The following NCAM2 variants were observed in gnomAD, a reference collection of about 807,000 sequenced individuals.
The protein encoded by NCAM2 is N-CAM-2.
NCAM2 carries 30 observed loss-of-function variants against 98.1 expected under a neutral mutation model. The ratio of observed to expected loss-of-function variants is 0.31; its 90% CI spans 0.23 to 0.41. The LOEUF (loss-of-function observed/expected upper bound fraction) is 0.41. Ranked by LOEUF, NCAM2 falls within the 10% of genes least tolerant of loss-of-function variation. The pLI, the probability that NCAM2 is intolerant of heterozygous loss-of-function variation, is 1.00. For synonymous variants in NCAM2, 368 were observed against 342.4 expected (o/e 1.07, Z -0.83); for missense variants, 867 against 1,005.8 (o/e 0.86, Z 1.87).
chr21:21,136,494 T>C (rs8133053), intron 1 of NCAM2, among the ~76,000 whole-genome samples: 63,699 of 150,730 alleles, frequency 0.42, 14,028 homozygotes, highest in African/African-American at 0.55. Context: ...CGGAGTCTCA[T>C]TCTGTCACTC....
Position 21,047,449 on chromosome 21 carries a change from A to G in NCAM2, c.55+48831A>G, listed in dbSNP as rs568531593. Among the ~76,000 whole-genome samples the G allele has an allele frequency of 8.5e-5, 13 of 152,288 alleles. No homozygotes were observed. The South Asian group carries it at 2.3e-3, about 27-fold the overall frequency. ...AGGTTTTTTTGCTTGTTTATTTCAG[A>G]CAGACTAAAGGTACAGATATGTTGA... On this transcript the variant is annotated intron_variant, in intron 1 of 17. Transcript: ENST00000400546.
chr21:21,327,555 G>T (rs914184502), intron 6 of NCAM2, among the ~76,000 whole-genome samples: 1 of 152,078 alleles, frequency 6.6e-6, no homozygotes, highest in African/African-American at 2.4e-5. Flanking sequence ...GTAGATAATT[G>T]GTTGCCTGGG....
At chr21:21,287,574 CAATGTCTA>C (rs1204842421) in intron 4 of NCAM2, among the ~76,000 whole-genome samples, 1 of 151,892 alleles carries the variant, frequency 6.6e-6, no homozygotes, top group Non-Finnish European at 1.5e-5. Context: ...GGTGGAATGA[CAATGTCTA>C]AATATTTTCA....
intron 5 of NCAM2, among the ~76,000 whole-genome samples, chr21:21,313,515 G>T (rs1164064170): frequency 6.6e-6 from 1 of 151,762 alleles, no homozygotes; most frequent in Non-Finnish European, 1.5e-5. Flanking sequence ...CATAGCCACT[G>T]CAGCTTTCTT....
At chr21:21,112,669 T>C (rs2066477617) in intron 1 of NCAM2, among the ~76,000 whole-genome samples, 1 of 152,182 alleles carries the variant, frequency 6.6e-6, no homozygotes, top group African/African-American at 2.4e-5. Context: ...AAAACTTTTA[T>C]CGGTCTGTCA....
intron 1 of NCAM2, among the ~76,000 whole-genome samples, chr21:21,175,467 A>G (rs1432109951): frequency 1.3e-5 from 2 of 152,194 alleles, no homozygotes; most frequent in Admixed American, 1.3e-4. Flanking sequence ...TGGGAGGTGG[A>G]GGTTGCAGCA....
At chr21:21,114,733 C>A (rs993324112) in intron 1 of NCAM2, among the ~76,000 whole-genome samples, 1 of 152,146 alleles carries the variant, frequency 6.6e-6, no homozygotes, top group Non-Finnish European at 1.5e-5. Context: ...TCAGGGCTTC[C>A]CAGAGCTTCT....
intron 1 of NCAM2, among the ~76,000 whole-genome samples, chr21:21,218,972 G>A (rs1431171658): frequency 6.6e-6 from 1 of 152,216 alleles, no homozygotes; most frequent in Non-Finnish European, 1.5e-5. Flanking sequence ...CAACTCGGGA[G>A]GCAGAGTTTG....
chr21:21,500,241 C>CT (rs928515684), intron 15 of NCAM2, among the ~76,000 whole-genome samples: 1 of 151,998 alleles, frequency 6.6e-6, no homozygotes, highest in Non-Finnish European at 1.5e-5. Context: ...TGATTTTTCT[C>CT]TTTTTTCTCT....
At chr21:21,108,469 A>G (rs2066393545) in intron 1 of NCAM2, among the ~76,000 whole-genome samples, 1 of 152,130 alleles carries the variant, frequency 6.6e-6, no homozygotes, top group Non-Finnish European at 1.5e-5. Flanking sequence ...TGAGTATGCT[A>G]ATTGAAAAGC....
intron 5 of NCAM2, among the ~76,000 whole-genome samples, chr21:21,322,468 A>G (rs2074400899): frequency 1.3e-5 from 2 of 152,138 alleles, no homozygotes; most frequent in Admixed American, 1.3e-4. Flanking sequence ...AAAACGTAAA[A>G]AGAAGTAAAG....
At chr21:21,039,510 A>T (rs1328558598) in intron 1 of NCAM2, among the ~76,000 whole-genome samples, 1 of 152,208 alleles carries the variant, frequency 6.6e-6, no homozygotes, top group Non-Finnish European at 1.5e-5. Flanking sequence ...AATGCCCTGA[A>T]TTGATTATTA....
chr21:21,393,045 T>C (rs1266178539), intron 9 of NCAM2, among the ~76,000 whole-genome samples: 3 of 152,106 alleles, frequency 2.0e-5, no homozygotes, highest in Non-Finnish European at 4.4e-5. Context: ...AATGATATTA[T>C]CTAGGTTGCC....
intron 1 of NCAM2, among the ~76,000 whole-genome samples, chr21:21,244,541 T>G (rs1038660073): frequency 2.0e-5 from 3 of 152,034 alleles, no homozygotes. Flanking sequence ...ATGCCAAAAT[T>G]ATATATAGGC....
intron 1 of NCAM2, among the ~76,000 whole-genome samples, chr21:21,220,682 A>G (rs903839897): frequency 1.3e-5 from 2 of 152,138 alleles, no homozygotes; most frequent in Non-Finnish European, 2.9e-5. Flanking sequence ...TAATTCTTCA[A>G]AATCATACTC....
chr21:21,278,549 C>G (rs2072814250), intron 1 of NCAM2, among the ~76,000 whole-genome samples: 1 of 152,092 alleles, frequency 6.6e-6, no homozygotes, highest in African/African-American at 2.4e-5. Context: ...CTGACTTGCA[C>G]TTTTATTTTT....
intron 5 of NCAM2, among the ~76,000 whole-genome samples, chr21:21,310,476 A>T (rs1289776650): frequency 6.6e-6 from 1 of 152,174 alleles, no homozygotes; most frequent in Admixed American, 6.5e-5. Context: ...CTGAAGTAGA[A>T]ACAGGCATTC....
intron 12 of NCAM2, among the ~76,000 whole-genome samples, chr21:21,453,856 A>G (rs916767787): frequency 1.3e-5 from 2 of 152,126 alleles, no homozygotes; most frequent in Admixed American, 6.6e-5. Context: ...TCCTTAGAAT[A>G]TAAGGCGATG....
chr21:21,345,242 C>T (rs189627365), intron 8 of NCAM2, among the ~76,000 whole-genome samples: 53 of 152,174 alleles, frequency 3.5e-4, no homozygotes, highest in Non-Finnish European at 6.2e-4. Flanking sequence ...CTAGCATTAA[C>T]ACCATCCGGG....
Sources: allele counts gnomAD v4.1 joint callset (sites outside exome capture counted in the v4.1 genomes callset), GRCh38; gene constraint gnomAD v4.1.1; transcripts MANE v1.5; gene names NCBI Gene and HGNC (gene_info 2026-07-23, HGNC 2026-07-21).